EDRF1: variants seen among roughly 807,000 people sequenced by gnomAD.
EDRF1 encodes erythroid differentiation regulatory factor 1, also known as erythroid differentiation-related factor 1.
A neutral mutation model predicts 148.7 loss-of-function variants in EDRF1; 69 were observed. That is an observed-to-expected ratio of 0.46 (90% CI 0.38 to 0.57). The LOEUF is 0.57. Among genes scored for constraint, EDRF1 ranks in the 20% least tolerant of loss-of-function variants. The pLI, the probability that EDRF1 is intolerant of heterozygous loss-of-function variation, is 0.00. For missense variants in EDRF1, 1,118 were observed against 1,478.7 expected (o/e 0.76, Z 4.00); for synonymous variants, 515 against 532.8 (o/e 0.97, Z 0.46).
chr10:125,760,591 CTA>C (rs1469586158), intron 24 of EDRF1, among the ~76,000 whole-genome samples: 2 of 152,152 alleles, frequency 1.3e-5, no homozygotes, highest in Non-Finnish European at 2.9e-5. Flanking sequence ...AAGTCAGTGA[CTA>C]TTTCATTTTT....
intron 13 of EDRF1, among the ~76,000 whole-genome samples, chr10:125,737,659 C>T (rs1158979254): frequency 1.3e-5 from 2 of 152,094 alleles, no homozygotes; most frequent in Non-Finnish European, 2.9e-5. Flanking sequence ...TGTCCAGTAT[C>T]GGTGCTAATT....
At chr10:125,761,218 T>G (rs1314563055) in intron 24 of EDRF1, 1 of 404,332 alleles carries the variant, frequency 2.5e-6, no homozygotes, top group Non-Finnish European at 4.9e-6. Flanking sequence ...ATTTTTGTTT[T>G]CATTTTCAGG....
chr10:125,742,163 A>C (rs1849056860), intron 17 of EDRF1: 2 of 1,171,984 alleles, frequency 1.7e-6, no homozygotes, highest in African/African-American at 3.2e-5. Flanking sequence ...ATTGTTTTTA[A>C]AGTTAGTTCA....
intron 17 of EDRF1, chr10:125,742,316 T>C: frequency 7.8e-7 from 1 of 1,274,936 alleles, no homozygotes; most frequent in South Asian, 1.3e-5. Flanking sequence ...ATTAACACAG[T>C]GAATGAAGTA....
chr10:125,758,648 G>A (rs904852444), intron 24 of EDRF1, among the ~76,000 whole-genome samples: 1 of 152,146 alleles, frequency 6.6e-6, no homozygotes, highest in Admixed American at 6.5e-5. Flanking sequence ...TGCAGAAGGT[G>A]ATTCTTAGTG....
In EDRF1 at chr10:125,733,700, T is replaced by TA; in HGVS notation, c.1343dup (p.Tyr448Ter). ...TCTTTGTGAAGAAACTGAAGACAAA[T>TA]ACCAAAATCCATTCACAATGCCGGT... ...TTLCEETEDK[Y>*]QNPFTMPVAI... Residue 448 changes from tyrosine (Y) to a stop codon, truncating the protein, a stop_gained and frameshift_variant, in exon 11 of 25, where the codon TAC becomes TAAC. Transcript: ENST00000356792. LOFTEE classifies it high-confidence loss of function. 6.2e-7 allele frequency: 1 copy of TA among 1,613,538 alleles called. No homozygotes were observed. The highest frequency in any genetic ancestry group is 8.5e-7 in the Non-Finnish European group (1 of 1,179,580).
chr10:125,753,544 C>A (rs765754961), intron 23 of EDRF1, 150 bp from the exon 24 acceptor site: 14 of 829,772 alleles, frequency 1.7e-5, no homozygotes, highest in Admixed American at 2.2e-5. Flanking sequence ...TTTAGTCTAT[C>A]AAAATGATCA....
intron 2 of EDRF1, among the ~76,000 whole-genome samples, chr10:125,722,627 A>G (rs1848064285): frequency 6.6e-6 from 1 of 151,882 alleles, no homozygotes; most frequent in Admixed American, 6.6e-5. Context: ...GTATTTTTTT[A>G]AGAGGTATTG....
At position 125,725,721 on chromosome 10, in the gene EDRF1, C is replaced by A. The variant is rs763886048; in HGVS notation, c.675C>A (p.Thr225=). 1 of 1,613,984 alleles carries A rather than the reference C, an allele frequency of 6.2e-7. No individual in the cohort carries two copies. Residue 225 remains threonine (T), a synonymous_variant, in exon 6 of 25, where the codon ACC becomes ACA. Transcript: ENST00000356792. ...GDGAAQPVSS[T]AEQQESSSSD... ...GAGCCGCTCAGCCTGTCTCATCCAC[C>A]GCAGAACAGCAGGAATCGTCCAGTT... is the stretch of plus-strand genomic sequence containing the variant.
chr10:125,742,462 G>A (rs1355332928), intron 17 of EDRF1: 2 of 1,035,836 alleles, frequency 1.9e-6, no homozygotes, highest in East Asian at 9.8e-5. Flanking sequence ...GGAGTATACT[G>A]GGGGAGAGGG....
Position 125,749,424 on chromosome 10 carries a change from C to T in EDRF1, c.3136C>T (p.His1046Tyr), listed in dbSNP as rs773588831. The change falls in exon 22 of 25, where the codon CAC becomes TAC. Residue 1046 changes from histidine to tyrosine, a missense_variant. Transcript: ENST00000356792. ...GGTTTGGTTCTAGGTTGGTGATGAA[C>T]ACCTTAGGAAACAACACCGGGTGCT... is the stretch of plus-strand genomic sequence containing the variant. ...SCLRNQVGDE[H>Y]LRKQHRVLAD... is the part of the protein sequence containing the mutation. 6.2e-7 allele frequency: 1 copy of T among 1,614,146 alleles called. No homozygotes were observed. Among genetic ancestry groups the T allele is most frequent in the South Asian group, 1.1e-5 (1 of 91,074 alleles).
intron 24 of EDRF1, among the ~76,000 whole-genome samples, chr10:125,760,838 C>T (rs577576744): frequency 1.8e-4 from 27 of 152,038 alleles, no homozygotes; most frequent in Non-Finnish European, 3.5e-4. Context: ...AAAAATAATA[C>T]AAATTTAAAA....
intron 16 of EDRF1, 56 bp downstream of exon 16, chr10:125,740,707 G>C: frequency 6.4e-7 from 1 of 1,555,884 alleles, no homozygotes; most frequent in East Asian, 2.2e-5. Flanking sequence ...GAACAGAGAA[G>C]GCATCTGAAT....
At chr10:125,743,909 G>A (rs1165542027) in intron 18 of EDRF1, among the ~76,000 whole-genome samples, 1 of 152,104 alleles carries the variant, frequency 6.6e-6, no homozygotes, top group Non-Finnish European at 1.5e-5. Flanking sequence ...GTGGGATGGC[G>A]TAGTAAGATG....
intron 8 of EDRF1, among the ~76,000 whole-genome samples, chr10:125,729,713 A>G (rs531497927): frequency 4.6e-5 from 7 of 152,172 alleles, no homozygotes; most frequent in Non-Finnish European, 8.8e-5. Flanking sequence ...AAATGGCCAC[A>G]TTAAGGAAGG....
rs1303983112 is a variant in EDRF1, at chr10:125,743,258, T to A, written c.2572T>A (p.Leu858Ile). 1.2e-6 allele frequency: 2 copies of A among 1,613,546 alleles called. No homozygotes were observed. The highest frequency in any genetic ancestry group is 4.5e-5 in the East Asian group (2 of 44,802). Reference sequence around the variant, plus strand: ...GTTTTACATGAATCAGGCTGCTGCATTACAGAGTGAGAGACTAGGTGAGTA... The same window carrying A: ...GTTTTACATGAATCAGGCTGCTGCAATACAGAGTGAGAGACTAGGTGAGTA... ...GVFYMNQAAA[L>I]QSERLVSKSV... Residue 858 changes from leucine (L) to isoleucine (I), a missense_variant, in exon 18 of 25, where the codon TTA (leucine) becomes ATA (isoleucine). Physicochemically the swap from Leu to Ile is conservative, Grantham distance 5 (BLOSUM62 2). Transcript: ENST00000356792.
intron 4 of EDRF1, 109 bp downstream of exon 4, chr10:125,724,045 A>C: frequency 7.8e-7 from 1 of 1,277,418 alleles, no homozygotes; most frequent in South Asian, 1.3e-5. Flanking sequence ...GAGTACTTCA[A>C]CAATCGAGAA....
chr10:125,743,222 G>T lies in EDRF1; in HGVS notation c.2536G>T (p.Glu846Ter). The T allele has an allele frequency of 6.2e-7, 1 of 1,613,904 alleles. No individual in the cohort carries two copies. Among genetic ancestry groups the T allele is most frequent in the Non-Finnish European group, 8.5e-7 (1 of 1,179,928 alleles). Residue 846 changes from glutamate to a stop codon, truncating the protein, a stop_gained, in exon 18 of 25, where the codon GAA becomes TAA. Coordinates refer to ENST00000356792, the MANE Select transcript of EDRF1 (RefSeq NM_001202438.2). LOFTEE classifies it high-confidence loss of function. The part of the protein sequence containing the change: ...VLKRMGNIRN[E>*]IGVFYMNQAA... ...AAAGAGAATGGGTAACATTAGAAAT[G>T]AAATTGGTGTGTTTTACATGAATCA...
At chr10:125,743,982 A>T (rs1368434231) in intron 18 of EDRF1, among the ~76,000 whole-genome samples, 1 of 152,214 alleles carries the variant, frequency 6.6e-6, no homozygotes, top group Non-Finnish European at 1.5e-5. Flanking sequence ...ATTTGAGTTC[A>T]CTATGGAACA....
Sources: allele counts gnomAD v4.1 joint callset (sites outside exome capture counted in the v4.1 genomes callset), GRCh38; gene constraint gnomAD v4.1.1; transcripts MANE v1.5; gene names NCBI Gene and HGNC (gene_info 2026-07-23, HGNC 2026-07-21).